The following LSAMP variants were observed in gnomAD, a reference collection of about 807,000 sequenced individuals.
LSAMP encodes the protein limbic system-associated membrane protein.
In LSAMP, 7 loss-of-function variants were observed where a neutral mutation model predicts 38.6. The observed-to-expected ratio is 0.18, with a 90% CI of 0.10 to 0.34. The LOEUF (loss-of-function observed/expected upper bound fraction) is 0.34, where lower values mean the gene tolerates loss of function less well. LSAMP is among the 10% of genes least tolerant of loss of function. The pLI is 1.00. For missense variants in LSAMP, 313 were observed against 420.0 expected (o/e 0.75, Z 2.23); for synonymous variants, 154 against 166.8 (o/e 0.92, Z 0.59).
intron 3 of LSAMP, among the ~76,000 whole-genome samples, chr3:115,928,915 G>T (rs540148498): frequency 7.9e-4 from 119 of 149,692 alleles, no homozygotes; most frequent in African/African-American, 2.7e-3. Context: ...ATGTTGGGAT[G>T]TCAAGATACC....
At chr3:115,870,165 A>T (rs1935991588) in intron 3 of LSAMP, among the ~76,000 whole-genome samples, 1 of 152,144 alleles carries the variant, frequency 6.6e-6, no homozygotes, top group Non-Finnish European at 1.5e-5. Flanking sequence ...AGTTACAATG[A>T]CAGAATTTAA....
chr3:116,261,756 A>C (rs1448762007), intron 1 of LSAMP, among the ~76,000 whole-genome samples: 1 of 151,908 alleles, frequency 6.6e-6, no homozygotes, highest in Non-Finnish European at 1.5e-5. Flanking sequence ...ATGCTCTTAG[A>C]TCATTCTCTT....
chr3:116,436,028 G>A (rs1340812641), intron 1 of LSAMP, among the ~76,000 whole-genome samples: 1 of 152,204 alleles, frequency 6.6e-6, no homozygotes, highest in East Asian at 1.9e-4. Context: ...TGAGGAACAA[G>A]TGATCCTTAT....
chr3:116,306,536 T>C (rs2047487283), intron 1 of LSAMP, among the ~76,000 whole-genome samples: 1 of 152,104 alleles, frequency 6.6e-6, no homozygotes, highest in Non-Finnish European at 1.5e-5. Flanking sequence ...TTAGAGGGCC[T>C]GATGCTGGTA....
At chr3:116,113,576 CCACTACGCCCGG>C (rs1297638183) in intron 1 of LSAMP, among the ~76,000 whole-genome samples, 2 of 150,156 alleles carry the variant, frequency 1.3e-5, no homozygotes, top group African/African-American at 4.9e-5. Flanking sequence ...CAGGCGCCCG[CCACTACGCCCGG>C]CTAATTTTTT....
At chr3:116,051,439 GGCA>G (rs1172942701) in intron 2 of LSAMP, among the ~76,000 whole-genome samples, 1 of 152,208 alleles carries the variant, frequency 6.6e-6, no homozygotes, top group Non-Finnish European at 1.5e-5. Context: ...GGCTAGGAAA[GGCA>G]GCAGCATTCT....
chr3:116,098,610 C>A (rs1423044085), intron 1 of LSAMP, among the ~76,000 whole-genome samples: 1 of 152,184 alleles, frequency 6.6e-6, no homozygotes, highest in Middle Eastern at 3.2e-3. Flanking sequence ...CCATCACACA[C>A]TTTCCCCCAC....
At chr3:116,296,204 T>C (rs932268141) in intron 1 of LSAMP, among the ~76,000 whole-genome samples, 2 of 152,216 alleles carry the variant, frequency 1.3e-5, no homozygotes, top group Admixed American at 6.5e-5. Context: ...CTTAGCTGTA[T>C]TGAACAGGAC....
chr3:116,012,634 A>C (rs147415395), intron 3 of LSAMP, among the ~76,000 whole-genome samples: 409 of 152,308 alleles, frequency 2.7e-3, no homozygotes, highest in Middle Eastern at 6.8e-3. Flanking sequence ...AAGATGTAAA[A>C]TATTAAGGCT....
At chr3:116,120,212 C>G (rs996277300) in intron 1 of LSAMP, among the ~76,000 whole-genome samples, 5 of 152,098 alleles carry the variant, frequency 3.3e-5, no homozygotes, top group African/African-American at 9.7e-5. Context: ...TAAAAGGTAT[C>G]TTGATGGACC....
intron 3 of LSAMP, among the ~76,000 whole-genome samples, chr3:115,853,346 G>A (rs941534172): frequency 1.3e-5 from 2 of 152,208 alleles, no homozygotes; most frequent in African/African-American, 4.8e-5. Flanking sequence ...ATGAGAATGT[G>A]CTGCTGATGG....
intron 1 of LSAMP, among the ~76,000 whole-genome samples, chr3:116,391,705 A>G (rs9860105): frequency 0.31 from 46,424 of 151,600 alleles, 9,681 homozygotes; most frequent in African/African-American, 0.6. Context: ...TGGCAGCAGC[A>G]GACCGTCTGG....
At chr3:116,076,551 C>T (rs1196370639) in intron 2 of LSAMP, among the ~76,000 whole-genome samples, 2 of 152,156 alleles carry the variant, frequency 1.3e-5, no homozygotes, top group African/African-American at 2.4e-5. Flanking sequence ...GCCACCACAC[C>T]CGGCCAATAA....
chr3:115,852,450 C>T (rs746548663), intron 4 of LSAMP, 33 bp downstream of exon 4: 6 of 1,581,068 alleles, frequency 3.8e-6, no homozygotes, highest in South Asian at 1.2e-5. Context: ...GCACCCTGGG[C>T]ACCTAGCACC....
rs564574652 is a variant in LSAMP, at chr3:116,028,166, T to C, written c.389-8526A>G. On this transcript the variant is annotated intron_variant, in intron 2 of 6. Coordinates refer to ENST00000490035, the MANE Select transcript of LSAMP (RefSeq NM_002338.5). ...CTTGAGCAGCACTTGCTGTATTTAA[T>C]AAGCATACTCCCAGGATTCAACAAT... Among the ~76,000 whole-genome samples the C allele has an allele frequency of 6.6e-5, 10 of 152,306 alleles. No individual in the cohort carries two copies. In the South Asian group the frequency reaches 2.1e-3, roughly 32 times the overall value.
chr3:116,393,267 C>T (rs991459504), intron 1 of LSAMP, among the ~76,000 whole-genome samples: 2 of 152,146 alleles, frequency 1.3e-5, no homozygotes, highest in East Asian at 1.9e-4. Context: ...GGCTGTGACT[C>T]CCTCTTTGGG....
intron 1 of LSAMP, among the ~76,000 whole-genome samples, chr3:116,359,828 C>T (rs1190979735): frequency 6.6e-6 from 1 of 152,036 alleles, no homozygotes; most frequent in Non-Finnish European, 1.5e-5. Flanking sequence ...AAAAATAACT[C>T]AAGATGGATT....
intron 1 of LSAMP, among the ~76,000 whole-genome samples, chr3:116,298,175 T>C (rs1216283796): frequency 1.3e-5 from 2 of 152,190 alleles, no homozygotes; most frequent in African/African-American, 2.4e-5. Flanking sequence ...TAAAATATAA[T>C]ACAACAATTG....
intron 1 of LSAMP, among the ~76,000 whole-genome samples, chr3:116,266,777 G>C (rs539694214): frequency 6.6e-6 from 1 of 152,084 alleles, no homozygotes; most frequent in African/African-American, 2.4e-5. Flanking sequence ...AAATGAAAAA[G>C]ATTAGTTATA....
Sources: allele counts gnomAD v4.1 joint callset (sites outside exome capture counted in the v4.1 genomes callset), GRCh38; gene constraint gnomAD v4.1.1; transcripts MANE v1.5; gene names NCBI Gene and HGNC (gene_info 2026-07-23, HGNC 2026-07-21).